Variants in TRIM47 observed in about 807,000 individuals in gnomAD.
TRIM47 encodes E3 ubiquitin-protein ligase TRIM47.
TRIM47 carries 46 observed loss-of-function variants against 54.4 expected under a neutral mutation model. That is an observed-to-expected ratio of 0.84 (90% CI 0.67 to 1.08). TRIM47 has a LOEUF of 1.08. Ranked by LOEUF, TRIM47 falls within the 50% of genes least tolerant of loss-of-function variation. TRIM47 has a pLI of 0.00. For synonymous variants in TRIM47, 392 were observed against 410.2 expected (o/e 0.96, Z 0.54); for missense variants, 825 against 910.1 (o/e 0.91, Z 1.20).
In TRIM47 at chr17:75,878,288, G is replaced by C; in HGVS notation, c.261C>G (p.Ser87=). 7.9e-7 allele frequency: 1 copy of C among 1,266,140 alleles called. No individual in the cohort carries two copies. Among genetic ancestry groups the C allele is most frequent in the Non-Finnish European group, 1.0e-6 (1 of 1,004,856 alleles). 78.4% of individuals were successfully genotyped at this position (1,266,140 alleles called of 1,614,324 possible). ...CCAGGGCAGGGGCCGGGCCGGGGCC[G>C]GACCCGGGGCCCGAGCCCTGGCGGA... ...LQLRQGSGPG[S]GPGPAPALAP... is the part of the protein sequence containing the mutation. The change falls in exon 1 of 6, where the codon TCC becomes TCG. Residue 87 remains serine (S), a synonymous_variant. Coordinates refer to ENST00000254816, the MANE Select transcript of TRIM47 (RefSeq NM_033452.3).
At chr17:75,877,529 A>G in intron 1 of TRIM47, 1 of 439,288 alleles carries the variant, frequency 2.3e-6, no homozygotes, top group Non-Finnish European at 3.4e-6. Flanking sequence ...CTGAGCTGAG[A>G]CCGGCGTGAC....
chr17:75,876,875 C>T, intron 1 of TRIM47, 62 bp from the exon 2 acceptor site: 9 of 1,541,296 alleles, frequency 5.8e-6, no homozygotes, highest in Non-Finnish European at 8.0e-6. Flanking sequence ...ACACTCGGGT[C>T]CCAGGCCTTG....
chr17:75,876,706 G>A lies in TRIM47; in HGVS notation c.771+12C>T, dbSNP rs1599437316. ...GAGTGGATTGTTCCATGCTGAGGGAGGGGTGTTTGACCTTGATGAGGGCCA... is the reference window on the plus strand; with the variant it reads ...GAGTGGATTGTTCCATGCTGAGGGAAGGGTGTTTGACCTTGATGAGGGCCA... On this transcript the variant is annotated intron_variant, in intron 2 of 5. Coordinates refer to ENST00000254816, the MANE Select transcript of TRIM47 (RefSeq NM_033452.3). 6.2e-7 allele frequency: 1 copy of A among 1,613,848 alleles called. No homozygotes were observed.
At position 75,878,501 on chromosome 17, in the gene TRIM47, G is replaced by C; in HGVS notation, c.48C>G (p.Leu16=). 7.2e-7 allele frequency: 1 copy of C among 1,379,470 alleles called. No homozygotes were observed. The highest frequency in any genetic ancestry group is 1.7e-5 in the South Asian group (1 of 60,052). The allele number at this position is 1,379,470 out of a possible 1,614,324, so 85.5% of individuals were successfully genotyped here. Residue 16 remains leucine (L), a synonymous_variant, in exon 1 of 6, where the codon CTC becomes CTG. Coordinates refer to ENST00000254816, the MANE Select transcript of TRIM47 (RefSeq NM_033452.3). ...CGCAGGGCAGCGTCACCGGCTCCCG[G>C]AGTGGCTCTAGGCAGATGGGGCAGC... ...PFSCPICLEP[L]REPVTLPCGH...
At chr17:75,877,564 G>C in intron 1 of TRIM47, 1 of 776,804 alleles carries the variant, frequency 1.3e-6, no homozygotes, top group East Asian at 4.0e-5. Context: ...CAGCAGCCAC[G>C]CTACCGGAAC....
In TRIM47 at chr17:75,876,396, C is replaced by G. The variant is rs778048554; in HGVS notation, c.868G>C (p.Glu290Gln). 3.7e-6 allele frequency: 6 copies of G among 1,612,364 alleles called. No individual in the cohort carries two copies. In the Middle Eastern group the frequency reaches 8.3e-4, roughly 222 times the overall value. The part of the protein sequence containing the change: ...GFQTQVLGFI[E>Q]EGEAAMLGRS... ...CCTAGCATGGCAGCTTCCCCCTCCTCGATGAAGCCCAGCACCTGGGTCTGG... is the reference window on the plus strand; with the variant it reads ...CCTAGCATGGCAGCTTCCCCCTCCTGGATGAAGCCCAGCACCTGGGTCTGG... Residue 290 changes from glutamate to glutamine, a missense_variant, in exon 3 of 6, where the codon GAG becomes CAG. By Grantham distance (29) the Glu-to-Gln change is conservative (BLOSUM62 2). Coordinates refer to ENST00000254816, the MANE Select transcript of TRIM47 (RefSeq NM_033452.3).
Position 75,874,706 on chromosome 17 carries a change from C to A in TRIM47, c.1694G>T (p.Arg565Leu), listed in dbSNP as rs372485306. The A allele has an allele frequency of 6.8e-6, 11 of 1,613,682 alleles. No homozygotes were observed. The highest frequency in any genetic ancestry group is 8.5e-6 in the Non-Finnish European group (10 of 1,179,896). The change falls in exon 6 of 6, where the codon CGG becomes CTG. Residue 565 changes from arginine to leucine, a missense_variant. Coordinates refer to ENST00000254816, the MANE Select transcript of TRIM47 (RefSeq NM_033452.3). This position sits in a 1 kb window ranked among gnomAD's most constrained non-coding sequence, Gnocchi z 6.2. Reference protein sequence around the residue: ...ADRALAFYAVRDGKMSLLRRL... With the variant: ...ADRALAFYAVLDGKMSLLRRL... The stretch of plus-strand genomic sequence containing the variant: ...CCGCAGGAGGCTCATCTTGCCGTCC[C>A]GTACAGCATAGAAGGCCAAGGCACG...
At chr17:75,876,172 C>T in intron 3 of TRIM47, 73 bp from the exon 4 acceptor site, 1 of 1,572,798 alleles carries the variant, frequency 6.4e-7, no homozygotes, top group African/African-American at 1.3e-5. Flanking sequence ...GGCAGCTCTG[C>T]CAGGAAGTCA....
In TRIM47 at chr17:75,875,520, C is replaced by T; in HGVS notation, c.1202-46G>A. 2 of 1,554,138 alleles carry T rather than the reference C, an allele frequency of 1.3e-6. No individual in the cohort carries two copies. The highest frequency in any genetic ancestry group is 2.2e-5 in the East Asian group (1 of 44,522). ...GTGAGAACGCCCCCAGACTGCCCCC[C>T]TCTGAACCTGTGACTACAATCCCTA... On this transcript the variant is annotated intron_variant, in intron 4 of 5. Transcript: ENST00000254816. The surrounding 1 kb of genome is among the most constrained non-coding windows in gnomAD (Gnocchi z 6.1).
chr17:75,878,196 T>C lies in TRIM47; in HGVS notation c.353A>G (p.Glu118Gly), dbSNP rs1599438817. ...VPEPSAPCAP[E>G]PWPAGEEPVR... is the part of the protein sequence containing the mutation. ...TGGCTCTTCGCCCGCGGGCCACGGC[T>C]CGGGAGCGCAGGGGGCCGACGGCTC... The change falls in exon 1 of 6, where the codon GAG (glutamate) becomes GGG (glycine). Residue 118 changes from glutamate (E) to glycine (G), a missense_variant. Coordinates refer to ENST00000254816, the MANE Select transcript of TRIM47 (RefSeq NM_033452.3). 3 of 1,227,208 alleles carry C rather than the reference T, an allele frequency of 2.4e-6. No homozygotes were observed. The highest frequency in any genetic ancestry group is 3.2e-5 in the African/African-American group (2 of 63,456). 76.0% of individuals were successfully genotyped at this position (1,227,208 alleles called of 1,614,324 possible).
At position 75,875,222 on chromosome 17, in the gene TRIM47, C is replaced by T. The variant is rs2065126423; in HGVS notation, c.1277-99G>A. 2 of 1,480,264 alleles carry T rather than the reference C, an allele frequency of 1.4e-6. No homozygotes were observed. The highest frequency in any genetic ancestry group is 1.8e-6 in the Non-Finnish European group (2 of 1,102,764). The allele number at this position is 1,480,264 out of a possible 1,614,324, so 91.7% of individuals were successfully genotyped here. ...CACCCCCCCAAAACACAGCCTCTCC[C>T]CTGCTTTCCAACCGGCACAACCCAG... is the stretch of plus-strand genomic sequence containing the variant. On this transcript the variant is annotated intron_variant, in intron 5 of 5. Coordinates refer to ENST00000254816, the MANE Select transcript of TRIM47 (RefSeq NM_033452.3). This position sits in a 1 kb window ranked among gnomAD's most constrained non-coding sequence, Gnocchi z 6.1.
At position 75,875,262 on chromosome 17, in the gene TRIM47, A is replaced by G; in HGVS notation, c.1276+138T>C. The G allele has an allele frequency of 1.6e-6, 2 of 1,212,736 alleles. No homozygotes were observed. The highest frequency in any genetic ancestry group is 2.2e-6 in the Non-Finnish European group (2 of 912,614). 75.1% of individuals were successfully genotyped at this position (1,212,736 alleles called of 1,614,324 possible). A position where few individuals can be genotyped will look rare whatever the true frequency, so the allele number is the denominator to read the frequency against. On this transcript the variant is annotated intron_variant, in intron 5 of 5. Transcript: ENST00000254816. The surrounding 1 kb of genome is among the most constrained non-coding windows in gnomAD (Gnocchi z 6.1). ...GCACAACCCAGCCCCGCCGGGGACC[A>G]CCCCAGGAGCTGCCCTAGCTCTCCC...
At position 75,875,361 on chromosome 17, in the gene TRIM47, G is replaced by C. The variant is rs976724214; in HGVS notation, c.1276+39C>G. 1 of 1,601,506 alleles carries C rather than the reference G, an allele frequency of 6.2e-7. No individual in the cohort carries two copies. The highest frequency in any genetic ancestry group is 8.6e-7 in the Non-Finnish European group (1 of 1,168,946). ...GGGACCAGCCCAGCAGCCCTGGGAG[G>C]GCCCAGTGTGAGTGGAGGGGGCACG... is the stretch of plus-strand genomic sequence containing the variant. On this transcript the variant is annotated intron_variant, in intron 5 of 5. Coordinates refer to ENST00000254816, the MANE Select transcript of TRIM47 (RefSeq NM_033452.3). The surrounding 1 kb of genome is among the most constrained non-coding windows in gnomAD (Gnocchi z 6.1).
At chr17:75,877,120 C>T (rs772446187) in intron 1 of TRIM47, 17 of 389,182 alleles carry the variant, frequency 4.4e-5, no homozygotes, top group Non-Finnish European at 7.7e-5. Flanking sequence ...GAACTTCCTC[C>T]GGCGGGGAAG....
At chr17:75,877,443 G>A in intron 1 of TRIM47, 1 of 180,810 alleles carries the variant, frequency 5.5e-6, no homozygotes. Flanking sequence ...GAGAATCTGT[G>A]TGCCCGGTCG....
chr17:75,878,542 C>T lies in TRIM47; in HGVS notation c.7G>A (p.Gly3Ser), dbSNP rs746105783. The change falls in exon 1 of 6, where the codon GGC becomes AGC. Residue 3 changes from glycine (G) to serine (S), a missense_variant. Physicochemically the swap from Gly to Ser is moderately conservative, Grantham distance 56. Coordinates refer to ENST00000254816, the MANE Select transcript of TRIM47 (RefSeq NM_033452.3). MDGSGPFSCPICL... is the reference protein window; with the variant it reads MDSSGPFSCPICL... ...ATGGGGCAGCTGAAGGGTCCACTGC[C>T]GTCCATGACTCCGCGGCCGCCCAGG... The T allele has an allele frequency of 7.8e-7, 1 of 1,286,990 alleles. No individual in the cohort carries two copies. Among genetic ancestry groups the T allele is most frequent in the Non-Finnish European group, 9.9e-7 (1 of 1,010,696 alleles). The allele number at this position is 1,286,990 out of a possible 1,614,324, so 79.7% of individuals were successfully genotyped here.
Position 75,874,998 on chromosome 17 carries a change from A to T in TRIM47, c.1402T>A (p.Cys468Ser). The stretch of plus-strand genomic sequence containing the variant: ...GCACCCTCGCCCAGCACCTGCTCAC[A>T]ATGGGTGAAGCGGGTGGGCGACAAG... ...YPLSPTRFTH[C>S]EQVLGEGALD... Residue 468 changes from cysteine (C) to serine (S), a missense_variant, in exon 6 of 6, where the codon TGT (cysteine) becomes AGT (serine). Transcript: ENST00000254816. The surrounding 1 kb of genome is among the most constrained non-coding windows in gnomAD (Gnocchi z 6.2). 1 of 1,614,092 alleles carries T rather than the reference A, an allele frequency of 6.2e-7. No individual in the cohort carries two copies. The highest frequency in any genetic ancestry group is 8.5e-7 in the Non-Finnish European group (1 of 1,180,004).
At chr17:75,877,119 C>T in intron 1 of TRIM47, 1 of 393,364 alleles carries the variant, frequency 2.5e-6, no homozygotes, top group Non-Finnish European at 4.8e-6. Context: ...AGAACTTCCT[C>T]CGGCGGGGAA....
chr17:75,876,278 G>C lies in TRIM47; in HGVS notation c.986C>G (p.Ser329Ter), dbSNP rs1294999297. 1 of 1,607,582 alleles carries C rather than the reference G, an allele frequency of 6.2e-7. No homozygotes were observed. Among genetic ancestry groups the C allele is most frequent in the East Asian group, 2.2e-5 (1 of 44,840 alleles). Residue 329 changes from serine (S) to a stop codon, truncating the protein, a stop_gained, in exon 3 of 6, where the codon TCA (serine) becomes TGA (stop). Transcript: ENST00000254816. LOFTEE classifies it high-confidence loss of function. Reference protein sequence around the residue: ...QNLSQVPEADSVSFLQELLAL... With the variant: ...QNLSQVPEAD ...GGCCTTCACCTGCAGGAAGCTGACT[G>C]AGTCAGCTTCAGGGACCTGGCTGAG...
Sources: allele counts gnomAD v4.1 joint callset, GRCh38; gene constraint gnomAD v4.1.1; non-coding constraint Gnocchi (gnomAD v3.1); transcripts MANE v1.5; gene names NCBI Gene and HGNC (gene_info 2026-07-23, HGNC 2026-07-21).